FAM171A1: variants seen among roughly 807,000 people sequenced by gnomAD.
The protein encoded by FAM171A1 is family with sequence similarity 171 member A1, also known as protein FAM171A1.
In FAM171A1, 23 loss-of-function variants were observed where a neutral mutation model predicts 74.9. The observed-to-expected ratio is 0.31, with a 90% CI of 0.22 to 0.44. The LOEUF (loss-of-function observed/expected upper bound fraction) is 0.44, where lower values mean the gene tolerates loss of function less well. Among genes scored for constraint, FAM171A1 ranks in the 20% least tolerant of loss-of-function variants. The pLI is 1.00. For missense variants in FAM171A1, 1,162 were observed against 1,159.2 expected, an observed-to-expected ratio of 1.00 and a Z score of -0.03; for synonymous variants, 527 against 505.7, an observed-to-expected ratio of 1.04 and a Z score of -0.57.
chr10:15,232,434 G>C (rs1015963933), intron 5 of FAM171A1, among the ~76,000 whole-genome samples: 1 of 152,162 alleles, frequency 6.6e-6, no homozygotes, highest in African/African-American at 2.4e-5. Flanking sequence ...CCCTTCCCCA[G>C]CTTGTTTCGC....
intron 3 of FAM171A1, among the ~76,000 whole-genome samples, chr10:15,270,257 C>T (rs758430844): frequency 2.0e-5 from 3 of 152,200 alleles, no homozygotes; most frequent in Admixed American, 6.5e-5. Flanking sequence ...GAGGGTCCCA[C>T]GCCCATGGAG....
chr10:15,228,067 T>C (rs1336035520), intron 5 of FAM171A1, among the ~76,000 whole-genome samples: 3 of 152,156 alleles, frequency 2.0e-5, no homozygotes, highest in Non-Finnish European at 2.9e-5. Flanking sequence ...CTCTAAAGTA[T>C]GAAAAACGGC....
chr10:15,314,883 G>A (rs750340604), intron 1 of FAM171A1, among the ~76,000 whole-genome samples: 1 of 152,222 alleles, frequency 6.6e-6, no homozygotes, highest in Non-Finnish European at 1.5e-5. Context: ...CTGCAGCCGC[G>A]GGGAGGAGGC....
rs111699079 is a variant in FAM171A1 at position 15,343,790 on chromosome 10, C to T, written c.97+27166G>A. 2.2e-4 allele frequency among the ~76,000 whole-genome samples: 34 copies of T among 151,960 alleles called. No individual in the cohort carries two copies. The South Asian group carries it at 5.6e-3, about 25-fold the overall frequency. On this transcript the variant is annotated intron_variant, in intron 1 of 7. Transcript: ENST00000378116. ...CTGAACCTGGGCCCTCCAGCCTGGA[C>T]GAGAGAGCAAGATCCATCTCTCAAA...
chr10:15,305,573 G>T (rs1169388365), intron 1 of FAM171A1, among the ~76,000 whole-genome samples: 1 of 139,718 alleles, frequency 7.2e-6, no homozygotes, highest in Non-Finnish European at 1.5e-5. Flanking sequence ...GGGCTTAGGT[G>T]GGAAAATGGC....
intron 1 of FAM171A1, among the ~76,000 whole-genome samples, chr10:15,352,038 A>G (rs1835885803): frequency 8.8e-6 from 1 of 113,212 alleles, no homozygotes. Flanking sequence ...ATACAAAAAT[A>G]CAAAATACAA....
chr10:15,325,965 C>T (rs1164855135), intron 1 of FAM171A1, among the ~76,000 whole-genome samples: 1 of 152,172 alleles, frequency 6.6e-6, no homozygotes, highest in Non-Finnish European at 1.5e-5. Flanking sequence ...GACTTCAACC[C>T]AGTACAGATT....
rs1833954047 is a variant in FAM171A1 at position 15,215,366 on chromosome 10, A to G, written c.986+630T>C. 3.3e-5 allele frequency among the ~76,000 whole-genome samples: 5 copies of G among 152,042 alleles called. 1 individual carries two copies. In the Middle Eastern group the frequency reaches 0.01, roughly 310 times the overall value. On this transcript the variant is annotated intron_variant, in intron 7 of 7. Coordinates refer to ENST00000378116, the MANE Select transcript of FAM171A1 (RefSeq NM_001010924.2). Reference sequence around the variant, plus strand: ...ACTAAACAGACACGGCATCTAAATAAGAATAATTTTTTTTTTTGAGATGGA... The same window carrying G: ...ACTAAACAGACACGGCATCTAAATAGGAATAATTTTTTTTTTTGAGATGGA...
chr10:15,367,601 C>T (rs935086280), intron 1 of FAM171A1, among the ~76,000 whole-genome samples: 2 of 152,196 alleles, frequency 1.3e-5, no homozygotes, highest in African/African-American at 4.8e-5. Context: ...CCTTACATGG[C>T]TTCGTGGTCT....
intron 1 of FAM171A1, among the ~76,000 whole-genome samples, chr10:15,299,063 G>A (rs1297372565): frequency 6.6e-6 from 1 of 152,100 alleles, no homozygotes; most frequent in Non-Finnish European, 1.5e-5. Context: ...TGGGATTACA[G>A]GCACGCACCA....
intron 1 of FAM171A1, among the ~76,000 whole-genome samples, chr10:15,302,673 G>A (rs1835246144): frequency 1.3e-5 from 2 of 152,114 alleles, no homozygotes; most frequent in Non-Finnish European, 2.9e-5. Flanking sequence ...AAACCTGAAG[G>A]GTTGCAAAGC....
chr10:15,288,309 T>C (rs1417730152), intron 1 of FAM171A1, among the ~76,000 whole-genome samples: 2 of 152,054 alleles, frequency 1.3e-5, no homozygotes, highest in African/African-American at 4.8e-5. Flanking sequence ...AAAATGGTAG[T>C]CCTTTTTTTT....
At chr10:15,243,738 C>A (rs1834392177) in intron 5 of FAM171A1, among the ~76,000 whole-genome samples, 1 of 152,148 alleles carries the variant, frequency 6.6e-6, no homozygotes, top group Non-Finnish European at 1.5e-5. Flanking sequence ...TAAACATCAT[C>A]CTTTTATAAC....
At chr10:15,351,522 A>G (rs999463346) in intron 1 of FAM171A1, among the ~76,000 whole-genome samples, 1 of 151,948 alleles carries the variant, frequency 6.6e-6, no homozygotes, top group African/African-American at 2.4e-5. Flanking sequence ...CCATGCAAAT[A>G]TATAATGACA....
intron 1 of FAM171A1, among the ~76,000 whole-genome samples, chr10:15,336,698 T>C (rs34673770): frequency 0.073 from 11,039 of 152,228 alleles, 511 homozygotes; most frequent in Middle Eastern, 0.11. Context: ...TGGTTTTAGT[T>C]AATAAAATGT....
At chr10:15,307,876 T>C (rs1030986870) in intron 1 of FAM171A1, among the ~76,000 whole-genome samples, 11 of 151,584 alleles carry the variant, frequency 7.3e-5, no homozygotes, top group African/African-American at 2.7e-4. Flanking sequence ...TGGCTACAGC[T>C]CACTGCAGCC....
intron 1 of FAM171A1, among the ~76,000 whole-genome samples, chr10:15,369,523 A>C (rs186760447): frequency 1.1e-3 from 172 of 152,308 alleles, no homozygotes; most frequent in African/African-American, 3.6e-3. Context: ...CATGATATGC[A>C]TTACTAAAAT....
intron 1 of FAM171A1, among the ~76,000 whole-genome samples, chr10:15,286,637 GAGA>G (rs1835038412): frequency 6.6e-6 from 1 of 152,118 alleles, no homozygotes; most frequent in Admixed American, 6.6e-5. Context: ...CAACCATATA[GAGA>G]AGAACTTCTT....
chr10:15,267,106 A>G (rs1834754249), intron 3 of FAM171A1, among the ~76,000 whole-genome samples: 5 of 152,162 alleles, frequency 3.3e-5, no homozygotes, highest in Admixed American at 2.6e-4. Context: ...TCCAATCCTA[A>G]GTCAAAGGCT....
Sources: gnomAD v4.1 joint callset for allele counts (sites outside exome capture counted in the v4.1 genomes callset) on GRCh38, gnomAD v4.1.1 for gene constraint, MANE v1.5 for transcripts, NCBI Gene and HGNC (gene_info 2026-07-23, HGNC 2026-07-21) for gene names.